The following CACNB4 variants were observed in gnomAD, a reference collection of about 807,000 sequenced individuals.
The protein encoded by CACNB4 is calcium voltage-gated channel auxiliary subunit beta 4.
In CACNB4, 32 loss-of-function variants were observed where a neutral mutation model predicts 71.2. That is an observed-to-expected ratio of 0.45 (90% CI 0.34 to 0.60). The LOEUF (loss-of-function observed/expected upper bound fraction) is 0.60, where lower values mean the gene tolerates loss of function less well. Ranked by LOEUF, CACNB4 falls within the 20% of genes least tolerant of loss-of-function variation. The pLI is 0.01. For synonymous variants in CACNB4, 231 were observed against 236.9 expected (o/e 0.97, Z 0.23); for missense variants, 464 against 647.9 (o/e 0.72, Z 3.08).
chr2:152,001,526 TAAAAAAAAAAAAAAAAA>T (rs70974816), intron 2 of CACNB4, among the ~76,000 whole-genome samples: 3 of 35,468 alleles, frequency 8.5e-5, no homozygotes, highest in Non-Finnish European at 1.5e-4. Context: ...CCATCTCTAC[TAAAAAAAAAAAAAAAAA>T]AAAAAAAAAA....
At chr2:151,985,836 T>TA (rs1469170700) in intron 2 of CACNB4, among the ~76,000 whole-genome samples, 1 of 152,152 alleles carries the variant, frequency 6.6e-6, no homozygotes, top group Non-Finnish European at 1.5e-5. Context: ...TGGAAAGTCT[T>TA]ATGACATTGG....
chr2:152,032,223 C>A (rs1380036176), intron 2 of CACNB4, among the ~76,000 whole-genome samples: 5 of 152,104 alleles, frequency 3.3e-5, no homozygotes, highest in Non-Finnish European at 7.3e-5. Context: ...ATCCCCTTCC[C>A]CCCGTCCATT....
chr2:152,064,040 T>C (rs769351910), intron 2 of CACNB4, among the ~76,000 whole-genome samples: 1 of 152,234 alleles, frequency 6.6e-6, no homozygotes, highest in African/African-American at 2.4e-5. Context: ...AACAGTCTTG[T>C]GAATGATAGA....
intron 2 of CACNB4, among the ~76,000 whole-genome samples, chr2:151,953,589 T>C (rs2099867472): frequency 6.6e-6 from 1 of 152,188 alleles, no homozygotes. Context: ...TGGAGCACAA[T>C]TGTCCAAATC....
intron 2 of CACNB4, among the ~76,000 whole-genome samples, chr2:152,004,532 T>TACATACACAC (rs1345883391): frequency 1.6e-4 from 24 of 149,312 alleles, no homozygotes; most frequent in African/African-American, 5.4e-4. Flanking sequence ...TTTACATACA[T>TACATACACAC]ACACACACAC....
Position 152,014,847 on chromosome 2 carries a change from C to T in CACNB4, c.147+83483G>A, listed in dbSNP as rs542842105. On this transcript the variant is annotated intron_variant, in intron 2 of 13. Coordinates refer to ENST00000539935, the MANE Select transcript of CACNB4 (RefSeq NM_000726.5). ...TGCCTCAGAGAACCAATTATGAAAA[C>T]ATTTATGCAGTCACTGTGTTCCACT... Among the ~76,000 whole-genome samples, 9 of 152,076 alleles carry T rather than the reference C, an allele frequency of 5.9e-5. No individual in the cohort carries two copies. In the South Asian group the frequency reaches 1.9e-3, roughly 32 times the overall value.
At chr2:151,948,488 CTG>C (rs1470673029) in intron 2 of CACNB4, among the ~76,000 whole-genome samples, 1 of 151,844 alleles carries the variant, frequency 6.6e-6, no homozygotes, top group African/African-American at 2.4e-5. Flanking sequence ...AGGGAGACTC[CTG>C]TCTCTATAAA....
At chr2:151,920,149 AATTTCT>A (rs1431667450) in intron 2 of CACNB4, among the ~76,000 whole-genome samples, 1 of 151,310 alleles carries the variant, frequency 6.6e-6, no homozygotes, top group Admixed American at 6.6e-5. Flanking sequence ...GAAATAGAAC[AATTTCT>A]ATTTCTATTG....
Position 151,835,819 on chromosome 2 carries a change from C to T in CACNB4, c.*3300G>A, listed in dbSNP as rs1414558138. Reference sequence around the variant, plus strand: ...TTCCAAAAATACATTTTGCAAACAACGACAATAATAATTAAATAGCAGATT... The same window carrying T: ...TTCCAAAAATACATTTTGCAAACAATGACAATAATAATTAAATAGCAGATT... On this transcript the variant is annotated 3_prime_UTR_variant, in exon 14 of 14. Coordinates refer to ENST00000539935, the MANE Select transcript of CACNB4 (RefSeq NM_000726.5). 4.0e-5 allele frequency: 6 copies of T among 151,580 alleles called. No homozygotes were observed. The highest frequency in any genetic ancestry group is 7.3e-5 in the African/African-American group (3 of 41,350). The allele number at this position is 151,580 out of a possible 1,614,324, so 9.4% of individuals were successfully genotyped here. A position where few individuals can be genotyped will look rare whatever the true frequency, so the allele number is the denominator to read the frequency against.
At position 152,053,998 on chromosome 2, in the gene CACNB4, A is replaced by G. The variant is rs147763151; in HGVS notation, c.147+44332T>C. Among the ~76,000 whole-genome samples the G allele has an allele frequency of 5.3e-5, 8 of 152,272 alleles. No individual in the cohort carries two copies. The East Asian group carries it at 1.5e-3, about 29-fold the overall frequency. ...CTTCAAGTAGCTAGTGTCAGAATTG[A>G]GTAAAATTATAGGATACCCAGTTTG... On this transcript the variant is annotated intron_variant, in intron 2 of 13. Coordinates refer to ENST00000539935, the MANE Select transcript of CACNB4 (RefSeq NM_000726.5).
intron 2 of CACNB4, among the ~76,000 whole-genome samples, chr2:151,892,204 C>T (rs16830434): frequency 0.087 from 13,276 of 152,080 alleles, 1,028 homozygotes; most frequent in Admixed American, 0.21. Context: ...GACTGAGAGA[C>T]GCTTTCTTCT....
At chr2:151,920,241 GAAC>G (rs2099858612) in intron 2 of CACNB4, among the ~76,000 whole-genome samples, 1 of 150,546 alleles carries the variant, frequency 6.6e-6, no homozygotes, top group African/African-American at 2.5e-5. Context: ...AATAGGAATA[GAAC>G]AATAGTAAAA....
chr2:151,962,379 G>A (rs1207892590), intron 2 of CACNB4, among the ~76,000 whole-genome samples: 2 of 152,122 alleles, frequency 1.3e-5, no homozygotes, highest in African/African-American at 4.8e-5. Context: ...CCTAATTTGA[G>A]CATGTTGTCA....
At chr2:152,044,210 ATTTATT>A (rs896196780) in intron 2 of CACNB4, among the ~76,000 whole-genome samples, 10 of 152,094 alleles carry the variant, frequency 6.6e-5, no homozygotes, top group African/African-American at 4.8e-5. Context: ...AACAGATTTT[ATTTATT>A]TTTATTTTTA....
chr2:152,001,761 C>A (rs1202315379), intron 2 of CACNB4, among the ~76,000 whole-genome samples: 3 of 150,918 alleles, frequency 2.0e-5, no homozygotes, highest in Non-Finnish European at 4.4e-5. Context: ...GTAACAAGTG[C>A]TTCCGGAGGA....
chr2:151,999,879 C>T (rs1183593763), intron 2 of CACNB4, among the ~76,000 whole-genome samples: 1 of 152,174 alleles, frequency 6.6e-6, no homozygotes, highest in Non-Finnish European at 1.5e-5. Flanking sequence ...TTCATTTCTT[C>T]CTGTGTACCC....
At chr2:151,928,223 A>G (rs2099860741) in intron 2 of CACNB4, among the ~76,000 whole-genome samples, 1 of 152,238 alleles carries the variant, frequency 6.6e-6, no homozygotes, top group South Asian at 2.1e-4. Flanking sequence ...TAATTTTAAA[A>G]GAATACCTTT....
At chr2:151,843,183 T>C (rs1036031647) in intron 12 of CACNB4, among the ~76,000 whole-genome samples, 6 of 152,200 alleles carry the variant, frequency 3.9e-5, no homozygotes, top group East Asian at 3.9e-4. Flanking sequence ...CCCCCTGTCA[T>C]TGCAGTGTGG....
At chr2:151,874,878 A>G in intron 5 of CACNB4, 1 of 398,606 alleles carries the variant, frequency 2.5e-6, no homozygotes. Context: ...GCACTCTGAG[A>G]TCTACATGCC....
Sources: allele counts gnomAD v4.1 joint callset (sites outside exome capture counted in the v4.1 genomes callset), GRCh38; gene constraint gnomAD v4.1.1; transcripts MANE v1.5; gene names NCBI Gene and HGNC (gene_info 2026-07-23, HGNC 2026-07-21).